The following TTLL4 variants were observed in gnomAD, a reference collection of about 807,000 sequenced individuals.
TTLL4 encodes the protein tubulin tyrosine ligase like 4.
TTLL4 carries 85 observed loss-of-function variants against 122.7 expected under a neutral mutation model. The observed-to-expected ratio is 0.69, with a 90% CI of 0.58 to 0.83. The LOEUF is 0.83. TTLL4 is among the 40% of genes least tolerant of loss of function. The pLI, the probability that TTLL4 is intolerant of heterozygous loss-of-function variation, is 0.00. For synonymous variants in TTLL4, 553 were observed against 563.0 expected, an observed-to-expected ratio of 0.98 and a Z score of 0.25; for missense variants, 1,363 against 1,488.6, an observed-to-expected ratio of 0.92 and a Z score of 1.39.
At position 218,752,798 on chromosome 2, in the gene TTLL4, A is replaced by G. The variant is rs1156928826; in HGVS notation, c.3012A>G (p.Pro1004=). The G allele has an allele frequency of 1.2e-6, 2 of 1,614,172 alleles. No individual in the cohort carries two copies. The highest frequency in any genetic ancestry group is 1.7e-6 in the Non-Finnish European group (2 of 1,180,042). ...CATCTGTGCTGGATGTCCTGACACC[A>G]GATGATGTTCGGATTCTGGTTGAGA... ...FYASVLDVLT[P]DDVRILVEME... The change falls in exon 17 of 20, where the codon CCA becomes CCG. Residue 1004 remains proline (P), a synonymous_variant. Coordinates refer to ENST00000392102, the MANE Select transcript of TTLL4 (RefSeq NM_014640.5).
In TTLL4 at chr2:218,746,124, G is replaced by A. The variant is rs557938428; in HGVS notation, c.1898-31G>A. 2.5e-6 allele frequency: 4 copies of A among 1,613,784 alleles called. No homozygotes were observed. In the African/African-American group the frequency reaches 4.0e-5, roughly 16 times the overall value. ...TCTCTGTCCCTGGACTGAGCTGTTA[G>A]CAAGGCTGATTCCTGATGTACCTCC... is the stretch of plus-strand genomic sequence containing the variant. On this transcript the variant is annotated intron_variant, in intron 7 of 19. Transcript: ENST00000392102.
intron 1 of TTLL4, among the ~76,000 whole-genome samples, chr2:218,717,404 C>G (rs1436959222): frequency 6.6e-6 from 1 of 152,112 alleles, no homozygotes; most frequent in Admixed American, 6.5e-5. Flanking sequence ...GCCTCCTTCC[C>G]GAAGCTGATA....
chr2:218,736,206 C>G (rs1203928963), intron 2 of TTLL4: 2 of 151,976 alleles, frequency 1.3e-5, no homozygotes, highest in East Asian at 3.9e-4. Context: ...AACTCCTGAG[C>G]TCAAGTGATC....
chr2:218,753,089 C>A (rs777946602), intron 17 of TTLL4, 26 bp from the exon 18 acceptor site: 1 of 1,613,956 alleles, frequency 6.2e-7, no homozygotes, highest in Admixed American at 1.7e-5. Flanking sequence ...CTTCTTAAAC[C>A]CCAACTCCTG....
chr2:218,723,941 T>C (rs528385903), intron 1 of TTLL4, among the ~76,000 whole-genome samples: 3 of 152,324 alleles, frequency 2.0e-5, no homozygotes, highest in Admixed American at 6.5e-5. Context: ...AATAGTAATA[T>C]AGTTTATAGT....
rs1405883989 is a variant in TTLL4 at position 218,754,930 on chromosome 2, T to C, written c.*541T>C. Reference sequence around the variant, plus strand: ...AGAGGCCACAACATGCCGAACCCATTTCCTGTCATCCTAGTCTTGGGTCTT... The same window carrying C: ...AGAGGCCACAACATGCCGAACCCATCTCCTGTCATCCTAGTCTTGGGTCTT... On this transcript the variant is annotated 3_prime_UTR_variant, in exon 20 of 20. Coordinates refer to ENST00000392102, the MANE Select transcript of TTLL4 (RefSeq NM_014640.5). 1 of 155,562 alleles carries C rather than the reference T, an allele frequency of 6.4e-6. No individual in the cohort carries two copies. Among genetic ancestry groups the C allele is most frequent in the Non-Finnish European group, 1.4e-5 (1 of 70,178 alleles). 9.6% of individuals were successfully genotyped at this position (155,562 alleles called of 1,614,324 possible).
intron 2 of TTLL4, among the ~76,000 whole-genome samples, chr2:218,731,402 C>G (rs1217676647): frequency 6.6e-6 from 1 of 151,180 alleles, no homozygotes; most frequent in Non-Finnish European, 1.5e-5. Context: ...CAGAGTGAGA[C>G]TCTGTTTCCA....
chr2:218,746,181 G>A lies in TTLL4; in HGVS notation c.1924G>A (p.Gly642Ser), dbSNP rs1436124112. The A allele has an allele frequency of 1.8e-5, 29 of 1,614,046 alleles. No homozygotes were observed. Among genetic ancestry groups the A allele is most frequent in the Non-Finnish European group, 2.5e-5 (29 of 1,180,054 alleles). The change falls in exon 8 of 20, where the codon GGT becomes AGT. Residue 642 changes from glycine to serine, a missense_variant. Transcript: ENST00000392102. ...AAACGATGACTGGCTGGGCTGCTGG[G>A]GTCACCACATGAAGTCTCCTAGTTT... ...KRNDDWLGCW[G>S]HHMKSPSFRS... is the part of the protein sequence containing the mutation.
At position 218,740,507 on chromosome 2, in the gene TTLL4, C is replaced by G; in HGVS notation, c.1598-14C>G. Reference sequence around the variant, plus strand: ...CTCTTCTAGTCAGAATTTCTCTGTTCTTCCTTCCTCTAGGAGACTCAGAGT... The same window carrying G: ...CTCTTCTAGTCAGAATTTCTCTGTTGTTCCTTCCTCTAGGAGACTCAGAGT... On this transcript the variant is annotated splice_polypyrimidine_tract_variant and intron_variant, in intron 4 of 19. Transcript: ENST00000392102. The G allele has an allele frequency of 6.2e-7, 1 of 1,614,030 alleles. No individual in the cohort carries two copies. Among genetic ancestry groups the G allele is most frequent in the South Asian group, 1.1e-5 (1 of 91,068 alleles).
At chr2:218,711,800 T>G (rs1263567406) in intron 1 of TTLL4, among the ~76,000 whole-genome samples, 2 of 150,106 alleles carry the variant, frequency 1.3e-5, no homozygotes, top group Non-Finnish European at 3.0e-5. Context: ...GGTCTTCACA[T>G]TCCCATTCTG....
chr2:218,734,567 TGAA>T (rs1559364315), intron 2 of TTLL4, among the ~76,000 whole-genome samples: 1 of 152,124 alleles, frequency 6.6e-6, no homozygotes, highest in East Asian at 1.9e-4. Flanking sequence ...TTAAGTTGGG[TGAA>T]GAAGAAGAAA....
At chr2:218,720,688 AAAAG>A (rs1300861842) in intron 1 of TTLL4, among the ~76,000 whole-genome samples, 3 of 151,972 alleles carry the variant, frequency 2.0e-5, no homozygotes, top group African/African-American at 2.4e-5. Context: ...AAAAAAAAAA[AAAAG>A]AAAGAAATAC....
intron 2 of TTLL4, among the ~76,000 whole-genome samples, chr2:218,734,070 T>C (rs1942451392): frequency 6.6e-6 from 1 of 152,204 alleles, no homozygotes; most frequent in African/African-American, 2.4e-5. Context: ...AGTCTAAATA[T>C]GTGTTTCATT....
chr2:218,721,572 T>G (rs746012798), intron 1 of TTLL4, among the ~76,000 whole-genome samples: 2 of 152,210 alleles, frequency 1.3e-5, no homozygotes, highest in Admixed American at 6.5e-5. Flanking sequence ...TGTGTGTGCC[T>G]CACACATTTT....
At position 218,747,972 on chromosome 2, in the gene TTLL4, TC is replaced by T. The variant is rs1942894251; in HGVS notation, c.2379-132del. ...TCAGAACTTTGCCAGTAGACACACT[TC>T]TCAGGCTCTTGTGGCTATGAAAAGA... On this transcript the variant is annotated intron_variant, in intron 11 of 19. Coordinates refer to ENST00000392102, the MANE Select transcript of TTLL4 (RefSeq NM_014640.5). This position sits in a 1 kb window ranked among gnomAD's most constrained non-coding sequence, Gnocchi z 4.7. 2 of 1,311,686 alleles carry T rather than the reference TC, an allele frequency of 1.5e-6. No individual in the cohort carries two copies. Among genetic ancestry groups the T allele is most frequent in the South Asian group, 1.4e-5 (1 of 74,014 alleles). 81.3% of individuals were successfully genotyped at this position (1,311,686 alleles called of 1,614,324 possible).
Position 218,748,880 on chromosome 2 carries a change from A to G in TTLL4, c.2546A>G (p.Asn849Ser), listed in dbSNP as rs755396706. ...AACTACCTGAGCCAGAAGGGAGTCA[A>G]TAGCGACGCCATCTGGGAGAAGATA... The part of the protein sequence containing the change: ...LWNYLSQKGV[N>S]SDAIWEKIKD... Residue 849 changes from asparagine (N) to serine (S), a missense_variant, in exon 13 of 20, where the codon AAT becomes AGT. Physicochemically the swap from Asn to Ser is conservative, Grantham distance 46. Around this residue, in one of 3 missense-constraint regions of TTLL4, gnomAD observed 596 missense variants for 655.8 expected, o/e 0.91. Transcript: ENST00000392102. 5.6e-6 allele frequency: 9 copies of G among 1,614,100 alleles called. 1 individual carries two copies. The South Asian group carries it at 8.8e-5, about 16-fold the overall frequency.
intron 18 of TTLL4, 44 bp downstream of exon 18, chr2:218,753,229 C>T: frequency 3.1e-6 from 5 of 1,605,880 alleles, no homozygotes; most frequent in Non-Finnish European, 4.3e-6. Context: ...TCAGGCCCCT[C>T]CCTCCTCTGC....
In TTLL4 at chr2:218,738,919, T is replaced by C; in HGVS notation, c.1243T>C (p.Cys415Arg). 1.2e-6 allele frequency: 2 copies of C among 1,614,218 alleles called. No homozygotes were observed. Among genetic ancestry groups the C allele is most frequent in the African/African-American group, 1.3e-5 (1 of 75,062 alleles). The change falls in exon 3 of 20, where the codon TGT becomes CGT. Residue 415 changes from cysteine (C) to arginine (R), a missense_variant. Cys to Arg is a radical substitution (Grantham distance 180). Coordinates refer to ENST00000392102, the MANE Select transcript of TTLL4 (RefSeq NM_014640.5). ...CTTGGGGTTGGACAATACAGTCTTCTGTACCAAGCGTATCAGCATTCACCT... is the reference window on the plus strand; with the variant it reads ...CTTGGGGTTGGACAATACAGTCTTCCGTACCAAGCGTATCAGCATTCACCT... ...DTLGLDNTVF[C>R]TKRISIHLLA... is the part of the protein sequence containing the mutation.
In TTLL4 at chr2:218,738,549, C is replaced by T; in HGVS notation, c.873C>T (p.Ser291=). ...CCCATATCGCCTTGTCTACCGCTAG[C>T]TCCCACGACACATCCACCACCAGTG... The part of the protein sequence containing the change: ...ASAHIALSTA[S]SHDTSTTSVA... Residue 291 remains serine, a synonymous_variant, in exon 3 of 20, where the codon AGC becomes AGT. Coordinates refer to ENST00000392102, the MANE Select transcript of TTLL4 (RefSeq NM_014640.5). 15 of 1,614,140 alleles carry T rather than the reference C, an allele frequency of 9.3e-6. No homozygotes were observed. The highest frequency in any genetic ancestry group is 1.2e-5 in the Non-Finnish European group (14 of 1,180,006).
Sources: gnomAD v4.1 joint callset for allele counts (sites outside exome capture counted in the v4.1 genomes callset) on GRCh38, gnomAD v4.1.1 for gene constraint, gnomAD v4.1.1 regional missense constraint, Gnocchi (gnomAD v3.1) non-coding constraint, MANE v1.5 for transcripts, NCBI Gene and HGNC (gene_info 2026-07-23, HGNC 2026-07-21) for gene names.